Variants in CDIN1 observed in about 807,000 individuals in gnomAD.
The protein encoded by CDIN1 is CDAN1-interacting nuclease 1.
Under a neutral mutation model 45.3 loss-of-function variants are expected in CDIN1, and 33 were observed. The ratio of observed to expected loss-of-function variants is 0.73; its 90% confidence interval spans 0.55 to 0.97. CDIN1 has a LOEUF of 0.97. Ranked by LOEUF, CDIN1 falls within the 50% of genes least tolerant of loss-of-function variation. The pLI, the probability that CDIN1 is intolerant of heterozygous loss-of-function variation, is 0.00. For missense variants in CDIN1, 303 were observed against 339.4 expected, an observed-to-expected ratio of 0.89 and a Z score of 0.84; for synonymous variants, 118 against 124.4, an observed-to-expected ratio of 0.95 and a Z score of 0.34.
At chr15:36,806,388 T>TC (rs2055226437) in intron 10 of CDIN1, among the ~76,000 whole-genome samples, 1 of 149,342 alleles carries the variant, frequency 6.7e-6, no homozygotes, top group Non-Finnish European at 1.5e-5. Context: ...TATGTGTTTT[T>TC]GTTTATTAAA....
intron 8 of CDIN1, chr15:36,706,246 G>A (rs927303322): frequency 6.6e-6 from 1 of 152,104 alleles, no homozygotes; most frequent in Non-Finnish European, 1.5e-5. Flanking sequence ...CCCAACAATG[G>A]CACCAGGCAC....
rs139181548 is a variant in CDIN1 at position 36,787,161 on chromosome 15, A to G, written c.717-21163A>G. 4.0e-3 allele frequency among the ~76,000 whole-genome samples: 603 copies of G among 152,230 alleles called. 1 individual carries two copies. Among genetic ancestry groups the G allele is most frequent in the African/African-American group, 0.014 (574 of 41,544 alleles). ...ATTTATTCTTTTAACTGGCTACTGC[A>G]CTGATTTTCAAACTGAGTTCTAGGG... is the stretch of plus-strand genomic sequence containing the variant. On this transcript the variant is annotated intron_variant, in intron 10 of 10. Coordinates refer to ENST00000566621, the MANE Select transcript of CDIN1 (RefSeq NM_001321759.2).
At chr15:36,733,668 C>A (rs2043912537) in intron 10 of CDIN1, among the ~76,000 whole-genome samples, 1 of 152,052 alleles carries the variant, frequency 6.6e-6, no homozygotes, top group African/African-American at 2.4e-5. Flanking sequence ...TAATCATGGG[C>A]ATCAAAATTG....
intron 10 of CDIN1, among the ~76,000 whole-genome samples, chr15:36,750,200 G>T (rs956046230): frequency 5.6e-4 from 85 of 152,080 alleles, no homozygotes; most frequent in African/African-American, 2.0e-3. Flanking sequence ...CTACATTTTT[G>T]TATGTTCCTT....
At chr15:36,674,394 A>G (rs2041566620) in intron 5 of CDIN1, among the ~76,000 whole-genome samples, 1 of 152,150 alleles carries the variant, frequency 6.6e-6, no homozygotes, top group African/African-American at 2.4e-5. Flanking sequence ...ACCACATATC[A>G]GGTCCTTCAT....
At chr15:36,789,376 T>C (rs1413685144) in intron 10 of CDIN1, among the ~76,000 whole-genome samples, 1 of 152,222 alleles carries the variant, frequency 6.6e-6, no homozygotes, top group Admixed American at 6.5e-5. Flanking sequence ...TAAATAAAGT[T>C]TAATCAGATT....
intron 8 of CDIN1, chr15:36,706,019 C>T (rs935954170): frequency 1.3e-5 from 2 of 151,952 alleles, no homozygotes; most frequent in African/African-American, 4.8e-5. Context: ...GTTGAAGAAA[C>T]AGTGAAACTT....
chr15:36,789,505 A>G (rs1034021163), intron 10 of CDIN1, among the ~76,000 whole-genome samples: 7 of 152,204 alleles, frequency 4.6e-5, no homozygotes, highest in African/African-American at 2.4e-5. Flanking sequence ...GGGTGAAGGA[A>G]GTCTGAAAAA....
In CDIN1 at chr15:36,602,979, G is replaced by A. The variant is rs140302496; in HGVS notation, c.101+23018G>A. Among the ~76,000 whole-genome samples the A allele has an allele frequency of 7.0e-3, 1,042 of 148,806 alleles. 6 individuals carry two copies. Among genetic ancestry groups the A allele is most frequent in the African/African-American group, 0.01 (406 of 39,828 alleles). On this transcript the variant is annotated intron_variant, in intron 1 of 10. Transcript: ENST00000566621. ...CTCCAGCCTGGGTGACAGAGACTCC[G>A]TCTCAAAAAAAAAAAAAGGTAAGTT... is the stretch of plus-strand genomic sequence containing the variant.
chr15:36,780,178 G>C (rs1422823493), intron 10 of CDIN1, among the ~76,000 whole-genome samples: 3 of 152,176 alleles, frequency 2.0e-5, no homozygotes, highest in African/African-American at 7.2e-5. Flanking sequence ...AGATTTCAGA[G>C]CCATTTAAAG....
intron 1 of CDIN1, chr15:36,619,041 G>A (rs1417402584): frequency 2.3e-6 from 3 of 1,318,364 alleles, no homozygotes; most frequent in Non-Finnish European, 2.1e-6. Flanking sequence ...TGTCTCCCAC[G>A]ACAAACAAAG....
chr15:36,626,451 G>A (rs1489093851), intron 1 of CDIN1, among the ~76,000 whole-genome samples: 1 of 151,964 alleles, frequency 6.6e-6, no homozygotes, highest in East Asian at 1.9e-4. Context: ...AAAGCCAGAC[G>A]AGTTCCACAA....
chr15:36,735,472 T>C (rs535771283), intron 10 of CDIN1, among the ~76,000 whole-genome samples: 32 of 152,230 alleles, frequency 2.1e-4, no homozygotes, highest in African/African-American at 6.5e-4. Context: ...TCTTAATATA[T>C]ACTTACACTT....
intron 10 of CDIN1, among the ~76,000 whole-genome samples, chr15:36,800,859 ATGTGTGTGTGTGTGTATATATG>A (rs1251629507): frequency 3.0e-4 from 28 of 93,600 alleles, no homozygotes; most frequent in South Asian, 1.3e-3. Context: ...GATTATACAT[ATGTGTGTGTGTGTGTATATATG>A]TGTGTGTGTG....
intron 4 of CDIN1, among the ~76,000 whole-genome samples, chr15:36,655,297 T>G (rs1320456245): frequency 2.6e-5 from 4 of 151,378 alleles, no homozygotes; most frequent in African/African-American, 9.7e-5. Context: ...TTTTTTCCAT[T>G]TCTAGAGCAG....
At chr15:36,587,980 A>G (rs1431964560) in intron 1 of CDIN1, among the ~76,000 whole-genome samples, 1 of 149,248 alleles carries the variant, frequency 6.7e-6, no homozygotes, top group East Asian at 2.0e-4. Context: ...GTAAGTTTTT[A>G]ATGAAAAGTA....
chr15:36,779,242 T>C (rs940127929), intron 10 of CDIN1, among the ~76,000 whole-genome samples: 1 of 152,210 alleles, frequency 6.6e-6, no homozygotes. Flanking sequence ...CGCTATATAA[T>C]TTTTAGATGC....
chr15:36,780,471 A>T (rs1349092313), intron 10 of CDIN1, among the ~76,000 whole-genome samples: 1 of 152,210 alleles, frequency 6.6e-6, no homozygotes, highest in Non-Finnish European at 1.5e-5. Flanking sequence ...CCTATTAGGC[A>T]GGTGGATTCC....
Position 36,806,288 on chromosome 15 carries a change from G to A in CDIN1, c.717-2036G>A, listed in dbSNP as rs531940965. Among the ~76,000 whole-genome samples the A allele has an allele frequency of 1.6e-4, 24 of 152,274 alleles. No homozygotes were observed. The South Asian group carries it at 2.5e-3, about 16-fold the overall frequency. ...TTTCTGCCTAGAAAATGCCATTTTC[G>A]TAAAGAGCTGTCATGCTTCGTGTCC... On this transcript the variant is annotated intron_variant, in intron 10 of 10. Coordinates refer to ENST00000566621, the MANE Select transcript of CDIN1 (RefSeq NM_001321759.2).
Sources: allele counts gnomAD v4.1 joint callset (sites outside exome capture counted in the v4.1 genomes callset), GRCh38; gene constraint gnomAD v4.1.1; transcripts MANE v1.5; gene names NCBI Gene and HGNC (gene_info 2026-07-23, HGNC 2026-07-21).